The following N4BP2 variants were observed in gnomAD, a reference collection of about 807,000 sequenced individuals.
N4BP2 encodes NEDD4-binding protein 2.
N4BP2 carries 91 observed loss-of-function variants against 152.8 expected under a neutral mutation model. The ratio of observed to expected loss-of-function variants is 0.60; its 90% CI spans 0.50 to 0.71. The LOEUF is 0.71. Among genes scored for constraint, N4BP2 ranks in the 30% least tolerant of loss-of-function variants. The pLI is 0.00. For synonymous variants in N4BP2, 646 were observed against 705.3 expected, an observed-to-expected ratio of 0.92 and a Z score of 1.33; for missense variants, 1,923 against 2,059.1, an observed-to-expected ratio of 0.93 and a Z score of 1.28.
Position 40,103,095 on chromosome 4 carries a change from C to T in N4BP2, c.1250C>T (p.Thr417Ile). Reference sequence around the variant, plus strand: ...AAAGTATGGAGAAATAAAGATGGAACAAGTGCTTATCAAGTACAAGAAACC... The same window carrying T: ...AAAGTATGGAGAAATAAAGATGGAATAAGTGCTTATCAAGTACAAGAAACC... Reference protein sequence around the residue: ...PTKVWRNKDGTSAYQVQETPV... With the variant: ...PTKVWRNKDGISAYQVQETPV... The change falls in exon 4 of 18, where the codon ACA becomes ATA. Residue 417 changes from threonine (T) to isoleucine (I), a missense_variant. Transcript: ENST00000261435. 4 of 1,614,190 alleles carry T rather than the reference C, an allele frequency of 2.5e-6. No individual in the cohort carries two copies. Among genetic ancestry groups the T allele is most frequent in the Non-Finnish European group, 3.4e-6 (4 of 1,180,024 alleles).
At chr4:40,107,052 AACGTTATGAGTAAT>A (rs748962363) in intron 5 of N4BP2, 28 bp downstream of exon 5, 5 of 1,606,106 alleles carry the variant, frequency 3.1e-6, no homozygotes, top group Non-Finnish European at 3.4e-6. Context: ...GATTCTGGGT[AACGTTATGAGTAAT>A]ACAAAGAAAA....
chr4:40,144,506 T>C, intron 15 of N4BP2, 126 bp from the exon 16 acceptor site: 1 of 713,408 alleles, frequency 1.4e-6, no homozygotes, highest in Non-Finnish European at 2.3e-6. Context: ...ACTCATTGCA[T>C]TATTTAAGAT....
chr4:40,158,758 G>T (rs1721777442), downstream of N4BP2, among the ~76,000 whole-genome samples: 2 of 151,546 alleles, frequency 1.3e-5, no homozygotes, highest in Admixed American at 1.3e-4. Context: ...GGGCAACAGA[G>T]TGAGACCATC....
intron 2 of N4BP2, among the ~76,000 whole-genome samples, chr4:40,084,815 A>G (rs1029431613): frequency 3.3e-5 from 5 of 150,094 alleles, no homozygotes; most frequent in African/African-American, 1.2e-4. Context: ...GGGTTTCTCC[A>G]TATTGGTCAG....
intron 2 of N4BP2, among the ~76,000 whole-genome samples, chr4:40,080,718 C>T (rs1236564731): frequency 2.0e-5 from 3 of 151,646 alleles, no homozygotes; most frequent in African/African-American, 4.8e-5. Context: ...AGTGCAGTGG[C>T]GTGATCTTGG....
chr4:40,113,307 G>A, intron 6 of N4BP2, 125 bp from the exon 7 acceptor site: 1 of 631,028 alleles, frequency 1.6e-6, no homozygotes, highest in Non-Finnish European at 2.8e-6. Context: ...TGTATATTTT[G>A]CCATTTTAAC....
the N4BP2 span, among the ~76,000 whole-genome samples, chr4:40,179,178 C>T: frequency 6.6e-6 from 1 of 152,060 alleles, no homozygotes. Context: ...ACCATCCTGG[C>T]TAACATGGTG....
chr4:40,152,732 G>T (rs1468155968), intron 16 of N4BP2, 48 bp from the exon 17 acceptor site: 17 of 1,602,272 alleles, frequency 1.1e-5, no homozygotes, highest in Non-Finnish European at 1.4e-5. Flanking sequence ...TTTCTATTGA[G>T]AATGTAAGAT....
In N4BP2 at chr4:40,107,043, A is replaced by T. The variant is rs1716370493; in HGVS notation, c.1498+19A>T. 1.2e-6 allele frequency: 2 copies of T among 1,609,116 alleles called. No homozygotes were observed. Among genetic ancestry groups the T allele is most frequent in the East Asian group, 4.5e-5 (2 of 44,796 alleles). On this transcript the variant is annotated intron_variant, in intron 5 of 17. Coordinates refer to ENST00000261435, the MANE Select transcript of N4BP2 (RefSeq NM_018177.6). ...AATCGTGGTAAGAACAGATAATCAG[A>T]TTCTGGGTAACGTTATGAGTAATAC...
chr4:40,175,631 G>A, the N4BP2 span, among the ~76,000 whole-genome samples: 1 of 151,506 alleles, frequency 6.6e-6, no homozygotes, highest in Admixed American at 6.6e-5. Flanking sequence ...ACAAGGCAAA[G>A]CCCTGTTTCT....
At position 40,067,328 on chromosome 4, in the gene N4BP2, A is replaced by G. The variant is rs891497111; in HGVS notation, c.-211-6127A>G. Among the ~76,000 whole-genome samples the G allele has an allele frequency of 6.0e-5, 9 of 149,496 alleles. No individual in the cohort carries two copies. The East Asian group carries it at 1.8e-3, about 30-fold the overall frequency. ...CTTGGCCTTCCAAAATGCTGGGATT[A>G]CATGCATGAGCTACTGTGCCTGGCC... On this transcript the variant is annotated intron_variant, in intron 1 of 17. Transcript: ENST00000261435.
the N4BP2 span, chr4:40,167,312 A>G: frequency 6.6e-6 from 1 of 152,206 alleles, no homozygotes; most frequent in African/African-American, 2.4e-5. Context: ...ATAAAGCCTT[A>G]TATTTGCAGG....
chr4:40,112,030 CATA>C (rs1716931964), intron 5 of N4BP2, 51 bp from the exon 6 acceptor site: 7 of 938,158 alleles, frequency 7.5e-6, no homozygotes, highest in Non-Finnish European at 1.1e-5. Flanking sequence ...TTTTGAAAAT[CATA>C]ATACTTAGTA....
chr4:40,140,303 G>A (rs186357235), intron 14 of N4BP2, among the ~76,000 whole-genome samples: 193 of 152,250 alleles, frequency 1.3e-3, no homozygotes, highest in Non-Finnish European at 2.0e-3. Flanking sequence ...ATGCTGTCAT[G>A]GATAGATAGA....
chr4:40,182,996 A>ATTTTT, the N4BP2 span, among the ~76,000 whole-genome samples: 12 of 152,148 alleles, frequency 7.9e-5, no homozygotes, highest in African/African-American at 2.9e-4. Flanking sequence ...ATTTTTTAAT[A>ATTTTT]TAAAAATTGT....
rs748268660 is a variant in N4BP2, at chr4:40,117,963, G to A, written c.1759G>A (p.Val587Ile). 8.1e-6 allele frequency: 13 copies of A among 1,612,508 alleles called. No individual in the cohort carries two copies. The highest frequency in any genetic ancestry group is 2.2e-5 in the South Asian group (2 of 90,874). ...VSVPIIMSSSVPEKIERIELC... is the reference protein window; with the variant it reads ...VSVPIIMSSSIPEKIERIELC... ...AGTGCCAATAATTATGAGTTCTTCG[G>A]TTCCAGAGAAAATTGAACGTATTGA... The change falls in exon 8 of 18, where the codon GTT becomes ATT. Residue 587 changes from valine to isoleucine, a missense_variant. Physicochemically the swap from Val to Ile is conservative, Grantham distance 29 (BLOSUM62 3). Transcript: ENST00000261435.
chr4:40,165,413 G>A, the N4BP2 span, among the ~76,000 whole-genome samples: 1 of 152,136 alleles, frequency 6.6e-6, no homozygotes, highest in East Asian at 1.9e-4. Flanking sequence ...CATGTCTGGC[G>A]AATTTTTGTA....
intron 2 of N4BP2, among the ~76,000 whole-genome samples, chr4:40,080,428 A>G (rs1171538602): frequency 6.6e-6 from 1 of 151,492 alleles, no homozygotes; most frequent in Non-Finnish European, 1.5e-5. Context: ...GGTCACTGCA[A>G]CCACTGTCTT....
intron 5 of N4BP2, among the ~76,000 whole-genome samples, chr4:40,109,532 A>T (rs1377525988): frequency 6.6e-6 from 1 of 152,106 alleles, no homozygotes; most frequent in East Asian, 1.9e-4. Flanking sequence ...ACCCTGGCTA[A>T]CATGGCGTTA....
Sources: allele counts gnomAD v4.1 joint callset (sites outside exome capture counted in the v4.1 genomes callset), GRCh38; gene constraint gnomAD v4.1.1; transcripts MANE v1.5; gene names NCBI Gene and HGNC (gene_info 2026-07-23, HGNC 2026-07-21).